The following PRAMEF2 variants were observed in gnomAD, a reference collection of about 807,000 sequenced individuals.
PRAMEF2 encodes the protein PRAME family member 2.
In PRAMEF2, 35 loss-of-function variants were observed where a neutral mutation model predicts 38.0. The observed-to-expected ratio is 0.92, with a 90% CI of 0.70 to 1.22. PRAMEF2 has a LOEUF of 1.22. PRAMEF2 is among the 50% of genes most tolerant of loss of function. PRAMEF2 has a pLI of 0.00. For missense variants in PRAMEF2, 562 were observed against 553.9 expected (o/e 1.01, Z -0.15); for synonymous variants, 240 against 232.4 (o/e 1.03, Z -0.30).
At position 12,858,080 on chromosome 1, in the gene PRAMEF2, T is replaced by A. The variant is rs568589835; in HGVS notation, c.-25-905T>A. Among the ~76,000 whole-genome samples, 67 of 149,360 alleles carry A rather than the reference T, an allele frequency of 4.5e-4. 3 individuals are homozygous for A. In the South Asian group the frequency reaches 0.013, roughly 30 times the overall value. On this transcript the variant is annotated intron_variant, in intron 1 of 3. Coordinates refer to ENST00000240189, the MANE Select transcript of PRAMEF2 (RefSeq NM_023014.1). ...TTTACAGTTCCAGTGAATTATTTTG[T>A]TTTTTTCTGCGATGTACTCTGAGTG...
rs937256010 is a variant in PRAMEF2 at position 12,860,540 on chromosome 1, G to T, written c.866+269G>T. On this transcript the variant is annotated intron_variant, in intron 3 of 3. Transcript: ENST00000240189. ...AGTCAGTGGGGGTTTCAGCTCTATT[G>T]GGGGTGCACGTGTGAATTTCCTGTT... Among the ~76,000 whole-genome samples, 125 of 149,860 alleles carry T rather than the reference G, an allele frequency of 8.3e-4. 1 individual carries two copies. The highest frequency in any genetic ancestry group is 1.1e-3 in the Non-Finnish European group (74 of 67,548).
rs1305234531 is a variant in PRAMEF2, at chr1:12,859,061, C to A, written c.52C>A (p.Leu18Met). ...RLLELAGQSLLRDQALSISAM... is the reference protein window; with the variant it reads ...RLLELAGQSLMRDQALSISAM... ...ACTGGAGCTGGCGGGGCAGAGCCTG[C>A]TGAGAGACCAGGCCTTGTCCATCTC... Residue 18 changes from leucine to methionine, a missense_variant, in exon 2 of 4, where the codon CTG becomes ATG. Leu to Met is a conservative substitution (Grantham distance 15, BLOSUM62 2). Coordinates refer to ENST00000240189, the MANE Select transcript of PRAMEF2 (RefSeq NM_023014.1). 5.0e-6 allele frequency: 8 copies of A among 1,604,220 alleles called. 1 individual carries two copies. The highest frequency in any genetic ancestry group is 6.8e-6 in the Non-Finnish European group (8 of 1,176,390).
Position 12,858,503 on chromosome 1 carries a change from C to T in PRAMEF2, c.-25-482C>T, listed in dbSNP as rs1306110940. On this transcript the variant is annotated intron_variant, in intron 1 of 3. Transcript: ENST00000240189. ...CAGACATGAGCCACAGCACCTGGTC[C>T]ATTTCTGGTAGAAAATTTTCAAAAT... Among the ~76,000 whole-genome samples the T allele has an allele frequency of 1.3e-5, 2 of 150,040 alleles. 1 individual carries two copies. The highest frequency in any genetic ancestry group is 1.4e-4 in the Admixed American group (2 of 14,558).
Position 12,860,282 on chromosome 1 carries a change from A to G in PRAMEF2, c.866+11A>G. The G allele has an allele frequency of 8.1e-6, 13 of 1,606,400 alleles. 1 individual carries two copies. Among genetic ancestry groups the G allele is most frequent in the Non-Finnish European group, 1.1e-5 (13 of 1,176,368 alleles). On this transcript the variant is annotated intron_variant, in intron 3 of 3. Coordinates refer to ENST00000240189, the MANE Select transcript of PRAMEF2 (RefSeq NM_023014.1). ...GGAACAGCTGATCAGGTGAGAAAGGATTGTGCACTTTGTATGCAGACCACA... is the reference window on the plus strand; with the variant it reads ...GGAACAGCTGATCAGGTGAGAAAGGGTTGTGCACTTTGTATGCAGACCACA...
chr1:12,858,962 T>G, intron 1 of PRAMEF2, 23 bp from the exon 2 acceptor site: 1 of 1,583,636 alleles, frequency 6.3e-7, no homozygotes, highest in Non-Finnish European at 8.6e-7. Context: ...GAGTGATACA[T>G]TCTCCCTGGA....
intron 3 of PRAMEF2, among the ~76,000 whole-genome samples, chr1:12,860,819 C>T (rs1411537655): frequency 3.3e-5 from 5 of 149,992 alleles, no homozygotes; most frequent in Non-Finnish European, 5.9e-5. Flanking sequence ...TAAAAAGTGA[C>T]AGTTGGTTTG....
Position 12,861,243 on chromosome 1 carries a change from A to C in PRAMEF2, c.889A>C (p.Asn297His), listed in dbSNP as rs56366227. The change falls in exon 4 of 4, where the codon AAC becomes CAC. Residue 297 changes from asparagine (N) to histidine (H), a missense_variant. Coordinates refer to ENST00000240189, the MANE Select transcript of PRAMEF2 (RefSeq NM_023014.1). Reference sequence around the variant, plus strand: ...CAGGTGCCTCCAGAACCCCTTGGAGAACTTGGAATTAACTTGTGGCAACCT... The same window carrying C: ...CAGGTGCCTCCAGAACCCCTTGGAGCACTTGGAATTAACTTGTGGCAACCT... ...LIRCLQNPLE[N>H]LELTCGNLLE... The C allele has an allele frequency of 7.2e-3, 11,573 of 1,607,330 alleles. 507 individuals carry two copies. The highest frequency in any genetic ancestry group is 8.5e-3 in the Non-Finnish European group (10,052 of 1,176,562).
Position 12,860,028 on chromosome 1 carries a change from G to T in PRAMEF2, c.623G>T (p.Gly208Val). ...SLKIIYINSI[G>V]ELEIHNTCWP... The stretch of plus-strand genomic sequence containing the variant: ...AAAATAATATACATTAATAGTATTG[G>T]GGAGCTGGAAATTCACAACACGTGC... The change falls in exon 3 of 4, where the codon GGG (glycine) becomes GTG (valine). Residue 208 changes from glycine to valine, a missense_variant. By Grantham distance (109) the Gly-to-Val change is moderately radical (BLOSUM62 -3). Around this residue, in one of 2 missense-constraint regions of PRAMEF2, gnomAD observed 486 missense variants for 444.2 expected, o/e 1.09. Coordinates refer to ENST00000240189, the MANE Select transcript of PRAMEF2 (RefSeq NM_023014.1). The T allele has an allele frequency of 6.2e-7, 1 of 1,606,122 alleles. No individual in the cohort carries two copies. The highest frequency in any genetic ancestry group is 1.1e-5 in the South Asian group (1 of 90,412).
intron 3 of PRAMEF2, 73 bp downstream of exon 3, chr1:12,860,344 C>G: frequency 6.3e-7 from 1 of 1,585,392 alleles, no homozygotes; most frequent in Non-Finnish European, 8.6e-7. Context: ...CATTAGAAGG[C>G]GTGTACTGTG....
chr1:12,859,003 C>T lies in PRAMEF2; in HGVS notation c.-7C>T, dbSNP rs200013308. ...CTTCTAGAGATTTTTCTTGCAGATCCATCAGGATGAGCATCCAGGCCCCAC... is the reference window on the plus strand; with the variant it reads ...CTTCTAGAGATTTTTCTTGCAGATCTATCAGGATGAGCATCCAGGCCCCAC... On this transcript the variant is annotated 5_prime_UTR_variant, in exon 2 of 4. Coordinates refer to ENST00000240189, the MANE Select transcript of PRAMEF2 (RefSeq NM_023014.1). 5 of 1,599,076 alleles carry T rather than the reference C, an allele frequency of 3.1e-6. No homozygotes were observed. Among genetic ancestry groups the T allele is most frequent in the Middle Eastern group, 2.3e-4 (1 of 4,404 alleles).
At position 12,857,104 on chromosome 1, in the gene PRAMEF2, T is replaced by C. The variant is rs1640461632; in HGVS notation, c.-69T>C. On this transcript the variant is annotated 5_prime_UTR_variant, in exon 1 of 4. Coordinates refer to ENST00000240189, the MANE Select transcript of PRAMEF2 (RefSeq NM_023014.1). ...ACTCACACCTGAAGCTACTGGTTGG[T>C]TCCCTGAGAGGTCCCAGAACTCTGC... 1.3e-5 allele frequency: 2 copies of C among 148,720 alleles called. 1 individual carries two copies. The highest frequency in any genetic ancestry group is 1.4e-4 in the Admixed American group (2 of 14,260). 9.2% of individuals were successfully genotyped at this position (148,720 alleles called of 1,614,324 possible). A position where few individuals can be genotyped will look rare whatever the true frequency, so the allele number is the denominator to read the frequency against.
At position 12,860,925 on chromosome 1, in the gene PRAMEF2, G is replaced by T. The variant is rs3121084; in HGVS notation, c.867-296G>T. 4.5e-3 allele frequency among the ~76,000 whole-genome samples: 651 copies of T among 146,246 alleles called. 1 individual carries two copies. Among genetic ancestry groups the T allele is most frequent in the East Asian group, 0.022 (103 of 4,760 alleles). On this transcript the variant is annotated intron_variant, in intron 3 of 3. Transcript: ENST00000240189. The stretch of plus-strand genomic sequence containing the variant: ...TGAGTTCTTTGTTCACATCTCCCAC[G>T]GGGTACCTGTAGCCCAGAGATGAAG...
In PRAMEF2 at chr1:12,861,297, C is replaced by T. The variant is rs775162695; in HGVS notation, c.943C>T (p.Gln315Ter). The part of the protein sequence containing the change: ...LLEEDLKCLS[Q>*]FPSLGYLKHL... ...AGAAGAGGACTTGAAGTGTCTCTCCCAGTTCCCAAGCCTCGGTTACCTAAA... is the reference window on the plus strand; with the variant it reads ...AGAAGAGGACTTGAAGTGTCTCTCCTAGTTCCCAAGCCTCGGTTACCTAAA... Residue 315 changes from glutamine to a stop codon, truncating the protein, a stop_gained, in exon 4 of 4, where the codon CAG (glutamine) becomes TAG (stop). Coordinates refer to ENST00000240189, the MANE Select transcript of PRAMEF2 (RefSeq NM_023014.1). LOFTEE classifies it high-confidence loss of function. The T allele has an allele frequency of 1.9e-6, 3 of 1,607,346 alleles. No homozygotes were observed. Among genetic ancestry groups the T allele is most frequent in the East Asian group, 2.2e-5 (1 of 44,688 alleles).
chr1:12,858,818 TACCAGC>T (rs1339195636), intron 1 of PRAMEF2, among the ~76,000 whole-genome samples, 161 bp from the exon 2 acceptor site: 2 of 148,028 alleles, frequency 1.4e-5, no homozygotes, highest in Non-Finnish European at 3.0e-5. Context: ...TTCTTCCTGG[TACCAGC>T]AGAAGCAGAA....
rs113819165 is a variant in PRAMEF2 at position 12,860,390 on chromosome 1, C to T, written c.866+119C>T. 10,314 of 1,520,326 alleles carry T rather than the reference C, an allele frequency of 6.8e-3. 930 individuals are homozygous for T. In the African/African-American group the frequency reaches 0.13, roughly 19 times the overall value. The allele number at this position is 1,520,326 out of a possible 1,614,324, so 94.2% of individuals were successfully genotyped here. A position where few individuals can be genotyped will look rare whatever the true frequency, so the allele number is the denominator to read the frequency against. ...TGGCAACGTCACAGTGAAGGGAACA[C>T]CAGAATGTCAACACATTGTCCCATT... On this transcript the variant is annotated intron_variant, in intron 3 of 3. Coordinates refer to ENST00000240189, the MANE Select transcript of PRAMEF2 (RefSeq NM_023014.1).
chr1:12,859,733 G>A lies in PRAMEF2; in HGVS notation c.328G>A (p.Glu110Lys), dbSNP rs1440780326. 3.7e-6 allele frequency: 6 copies of A among 1,606,398 alleles called. No individual in the cohort carries two copies. The highest frequency in any genetic ancestry group is 1.1e-5 in the South Asian group (1 of 90,760). ...LQVLDLRDVD[E>K]NFWARWPGAW... ...AGTGCTGGATTTGCGGGATGTTGAT[G>A]AGAATTTCTGGGCCAGATGGCCTGG... Residue 110 changes from glutamate (E) to lysine (K), a missense_variant, in exon 3 of 4, where the codon GAG (glutamate) becomes AAG (lysine). Glu to Lys is a moderately conservative substitution (Grantham distance 56). This residue lies in a region of PRAMEF2 where 486 missense variants were observed against 444.2 expected (regional missense o/e 1.09). Transcript: ENST00000240189.
intron 2 of PRAMEF2, 23 bp downstream of exon 2, chr1:12,859,319 G>A (rs201590236): frequency 0.011 from 16,535 of 1,537,780 alleles, 787 homozygotes; most frequent in South Asian, 0.027. Context: ...AGGAGGGCTA[G>A]TAGATAGGGC....
chr1:12,861,105 C>G (rs1640540555), intron 3 of PRAMEF2, 116 bp from the exon 4 acceptor site: 1 of 1,206,124 alleles, frequency 8.3e-7, no homozygotes, highest in Non-Finnish European at 1.2e-6. Context: ...GGACCATCAT[C>G]AGATGGTGGG....
Position 12,861,157 on chromosome 1 carries a change from T to G in PRAMEF2, c.867-64T>G. The G allele has an allele frequency of 1.3e-6, 2 of 1,534,310 alleles. 1 individual carries two copies. The highest frequency in any genetic ancestry group is 1.8e-6 in the Non-Finnish European group (2 of 1,120,796). On this transcript the variant is annotated intron_variant, in intron 3 of 3. Coordinates refer to ENST00000240189, the MANE Select transcript of PRAMEF2 (RefSeq NM_023014.1). ...GTTGAAGCAGGTATTTTCCTTGAGG[T>G]TATTCCCCACTACCTTCATCTAACT...
Sources: allele counts gnomAD v4.1 joint callset (sites outside exome capture counted in the v4.1 genomes callset), GRCh38; gene constraint gnomAD v4.1.1; regional missense constraint gnomAD v4.1.1; transcripts MANE v1.5; gene names NCBI Gene and HGNC (gene_info 2026-07-23, HGNC 2026-07-21).